Variants in CACNA1G observed in about 807,000 individuals in gnomAD.
CACNA1G encodes calcium voltage-gated channel subunit alpha1 G.
A neutral mutation model predicts 219.4 loss-of-function variants in CACNA1G; 67 were observed. The ratio of observed to expected loss-of-function variants is 0.31; its 90% CI spans 0.25 to 0.37. The LOEUF (loss-of-function observed/expected upper bound fraction) is 0.37, where lower values mean the gene tolerates loss of function less well. Ranked by LOEUF, CACNA1G falls within the 10% of genes least tolerant of loss-of-function variation. The pLI is 1.00. For missense variants in CACNA1G, 2,380 were observed against 3,231.4 expected, an observed-to-expected ratio of 0.74 and a Z score of 6.39; for synonymous variants, 1,296 against 1,345.3, an observed-to-expected ratio of 0.96 and a Z score of 0.80.
rs867261047 is a variant in CACNA1G at position 50,573,361 on chromosome 17, C to T, written c.1140+248C>T. On this transcript the variant is annotated intron_variant, in intron 7 of 37. Transcript: ENST00000359106. Reference sequence around the variant, plus strand: ...ATTCTCCATGAGGCCTCCAGCACTGCTCTGGGCCTCTGTTTCTTCATGGGT... The same window carrying T: ...ATTCTCCATGAGGCCTCCAGCACTGTTCTGGGCCTCTGTTTCTTCATGGGT... 2.9e-5 allele frequency: 12 copies of T among 419,356 alleles called. No homozygotes were observed. The South Asian group carries it at 4.7e-4, about 16-fold the overall frequency. 26.0% of individuals were successfully genotyped at this position (419,356 alleles called of 1,614,324 possible). A position where few individuals can be genotyped will look rare whatever the true frequency, so the allele number is the denominator to read the frequency against.
Position 50,617,415 on chromosome 17 carries a change from G to A in CACNA1G, c.5022-23G>A, listed in dbSNP as rs747200759. ...CAGGAACCCCCTCCCCCAACTCAGG[G>A]AGCTGTATTCTGGGCTTTCCAGGTG... On this transcript the variant is annotated intron_variant, in intron 28 of 37. Transcript: ENST00000359106. This position sits in a 1 kb window ranked among gnomAD's most constrained non-coding sequence, Gnocchi z 5.8. 2 of 1,601,334 alleles carry A rather than the reference G, an allele frequency of 1.2e-6. No individual in the cohort carries two copies. The highest frequency in any genetic ancestry group is 1.1e-5 in the South Asian group (1 of 89,950).
chr17:50,603,312 C>A lies in CACNA1G; in HGVS notation c.4169+113C>A. 1 of 885,290 alleles carries A rather than the reference C, an allele frequency of 1.1e-6. No individual in the cohort carries two copies. Among genetic ancestry groups the A allele is most frequent in the Non-Finnish European group, 1.7e-6 (1 of 580,250 alleles). The allele number at this position is 885,290 out of a possible 1,614,324, so 54.8% of individuals were successfully genotyped here. ...ACAAAAGCCTGCACAGGCCAGCATCCTGTCTGTGACCCCCACAGGCGATCC... is the reference window on the plus strand; with the variant it reads ...ACAAAAGCCTGCACAGGCCAGCATCATGTCTGTGACCCCCACAGGCGATCC... On this transcript the variant is annotated intron_variant, in intron 21 of 37. Coordinates refer to ENST00000359106, the MANE Select transcript of CACNA1G (RefSeq NM_018896.5). The surrounding 1 kb of genome is among the most constrained non-coding windows in gnomAD (Gnocchi z 6.4).
rs1232480417 is a variant in CACNA1G, at chr17:50,573,002, G to C, written c.1048-19G>C. On this transcript the variant is annotated intron_variant, in intron 6 of 37. Coordinates refer to ENST00000359106, the MANE Select transcript of CACNA1G (RefSeq NM_018896.5). ...GATTTGGTGGGCCCATAGTCAGCCT[G>C]CCCCTCTGCACCCCCTAGGTCATCA... 1 of 1,572,128 alleles carries C rather than the reference G, an allele frequency of 6.4e-7. No individual in the cohort carries two copies. The highest frequency in any genetic ancestry group is 2.3e-5 in the East Asian group (1 of 42,910).
chr17:50,601,361 C>T (rs1192313988), intron 19 of CACNA1G, among the ~76,000 whole-genome samples, 187 bp downstream of exon 19: 1 of 152,228 alleles, frequency 6.6e-6, no homozygotes, highest in Non-Finnish European at 1.5e-5. Flanking sequence ...CCTCTCCTGC[C>T]TCAGTTTCCC....
intron 1 of CACNA1G, among the ~76,000 whole-genome samples, chr17:50,568,667 G>C (rs1342569504): frequency 6.6e-6 from 1 of 152,224 alleles, no homozygotes; most frequent in Non-Finnish European, 1.5e-5. Context: ...GTCCAGAGAG[G>C]TGAGATGACC....
rs568154795 is a variant in CACNA1G, at chr17:50,626,508, G to T, written c.6891G>T (p.Gly2297=). ...ACCTTGGGGGCCAGCCTCTTGGGGG[G>T]CCTGGGAGCCGGCCCAAGAAAAAAC... ...PSNLGGQPLG[G]PGSRPKKKLS... Residue 2297 remains glycine (G), a synonymous_variant, in exon 38 of 38, where the codon GGG becomes GGT. Coordinates refer to ENST00000359106, the MANE Select transcript of CACNA1G (RefSeq NM_018896.5). The surrounding 1 kb of genome is among the most constrained non-coding windows in gnomAD (Gnocchi z 4.3). 28 of 1,576,512 alleles carry T rather than the reference G, an allele frequency of 1.8e-5. No individual in the cohort carries two copies. Among genetic ancestry groups the T allele is most frequent in the African/African-American group, 4.1e-5 (3 of 73,182 alleles).
intron 9 of CACNA1G, among the ~76,000 whole-genome samples, chr17:50,582,162 C>T (rs553635902): frequency 2.1e-4 from 32 of 152,204 alleles, no homozygotes; most frequent in Non-Finnish European, 2.4e-4. Flanking sequence ...GGCACATGCT[C>T]AGAGAGGGAT....
chr17:50,590,668 A>AG, intron 10 of CACNA1G, 46 bp downstream of exon 10: 2 of 1,593,136 alleles, frequency 1.3e-6, no homozygotes, highest in Non-Finnish European at 1.7e-6. Context: ...GAATGGTAGC[A>AG]GGGGTGGCTT....
Position 50,578,056 on chromosome 17 carries a change from G to T in CACNA1G, c.1925-132G>T. The stretch of plus-strand genomic sequence containing the variant: ...CCTTGCCTGACATTCAGCACCCCTG[G>T]CCCACTAAGTGCCTAGCACCCCATC... On this transcript the variant is annotated intron_variant, in intron 8 of 37. Coordinates refer to ENST00000359106, the MANE Select transcript of CACNA1G (RefSeq NM_018896.5). This position sits in a 1 kb window ranked among gnomAD's most constrained non-coding sequence, Gnocchi z 4.5. 9.5e-7 allele frequency: 1 copy of T among 1,054,634 alleles called. No individual in the cohort carries two copies. The highest frequency in any genetic ancestry group is 2.8e-5 in the Admixed American group (1 of 35,572). The allele number at this position is 1,054,634 out of a possible 1,614,324, so 65.3% of individuals were successfully genotyped here.
chr17:50,610,666 A>G (rs2049007793), intron 26 of CACNA1G, among the ~76,000 whole-genome samples: 1 of 151,906 alleles, frequency 6.6e-6, no homozygotes, highest in Admixed American at 6.5e-5. Flanking sequence ...TCATAACACT[A>G]TGTCTCCAGC....
chr17:50,625,241 C>T (rs2053437224), intron 37 of CACNA1G, among the ~76,000 whole-genome samples: 1 of 152,340 alleles, frequency 6.6e-6, no homozygotes, highest in African/African-American at 2.4e-5. Context: ...CGTGAGCCAC[C>T]GCGCCCGGCC....
rs767121010 is a variant in CACNA1G, at chr17:50,626,566, G to A, written c.6949G>A (p.Glu2317Lys). 19 of 1,593,002 alleles carry A rather than the reference G, an allele frequency of 1.2e-5. No homozygotes were observed. Among genetic ancestry groups the A allele is most frequent in the Non-Finnish European group, 1.5e-5 (17 of 1,171,566 alleles). Reference sequence around the variant, plus strand: ...GCCTAGTATCACCATAGACCCCCCCGAGAGCCAAGGTCCTCGGACCCCGCC... The same window carrying A: ...GCCTAGTATCACCATAGACCCCCCCAAGAGCCAAGGTCCTCGGACCCCGCC... ...SPPSITIDPP[E>K]SQGPRTPPSP... The change falls in exon 38 of 38, where the codon GAG becomes AAG. Residue 2317 changes from glutamate (E) to lysine (K), a missense_variant. Around this residue, in one of 17 missense-constraint regions of CACNA1G, gnomAD observed 672 missense variants for 670.5 expected, o/e 1.00. Coordinates refer to ENST00000359106, the MANE Select transcript of CACNA1G (RefSeq NM_018896.5). This position sits in a 1 kb window ranked among gnomAD's most constrained non-coding sequence, Gnocchi z 4.3.
Position 50,600,646 on chromosome 17 carries a change from G to A in CACNA1G, c.3691-80G>A, listed in dbSNP as rs2046433609. ...TGGGAGAGGGTAGACAAGGAGTGAG[G>A]CTCGTGACTCTGCTGAGGAGCCAGG... On this transcript the variant is annotated intron_variant, in intron 17 of 37. Coordinates refer to ENST00000359106, the MANE Select transcript of CACNA1G (RefSeq NM_018896.5). The surrounding 1 kb of genome is among the most constrained non-coding windows in gnomAD (Gnocchi z 4.1). The A allele has an allele frequency of 3.3e-6, 4 of 1,207,428 alleles. No individual in the cohort carries two copies. The highest frequency in any genetic ancestry group is 4.9e-6 in the Non-Finnish European group (4 of 817,822). The allele number at this position is 1,207,428 out of a possible 1,614,324, so 74.8% of individuals were successfully genotyped here. A position where few individuals can be genotyped will look rare whatever the true frequency, so the allele number is the denominator to read the frequency against.
Position 50,591,556 on chromosome 17 carries a change from A to T in CACNA1G, c.2575A>T (p.Met859Leu). 1 of 1,612,978 alleles carries T rather than the reference A, an allele frequency of 6.2e-7. No homozygotes were observed. Among genetic ancestry groups the T allele is most frequent in the Non-Finnish European group, 8.5e-7 (1 of 1,179,624 alleles). ...GCTGCAGCGGCAGCTGGTGGTGCTC[A>T]TGAAGACCATGGACAACGTGGCCAC... ...PALQRQLVVL[M>L]KTMDNVATFC... The change falls in exon 11 of 38, where the codon ATG becomes TTG. Residue 859 changes from methionine to leucine, a missense_variant. This residue lies in a region of CACNA1G where 82 missense variants were observed against 140.7 expected (regional missense o/e 0.58). Transcript: ENST00000359106.
intron 16 of CACNA1G, among the ~76,000 whole-genome samples, chr17:50,597,941 T>A (rs545101980): frequency 6.6e-6 from 1 of 152,376 alleles, no homozygotes; most frequent in East Asian, 1.9e-4. Flanking sequence ...TAGTATAATA[T>A]CCTCCAGTTC....
At chr17:50,586,466 T>G (rs2043009317) in intron 9 of CACNA1G, among the ~76,000 whole-genome samples, 1 of 152,184 alleles carries the variant, frequency 6.6e-6, no homozygotes, top group African/African-American at 2.4e-5. Context: ...TCCCAGGCTG[T>G]CCTCCCCACT....
At chr17:50,570,689 C>T (rs1030445043) in intron 4 of CACNA1G, among the ~76,000 whole-genome samples, 23 of 152,062 alleles carry the variant, frequency 1.5e-4, no homozygotes, top group Admixed American at 3.9e-4. Context: ...GGGCATGCCT[C>T]GCCTCCTCTC....
chr17:50,616,854 T>C (rs1465425365), intron 28 of CACNA1G, among the ~76,000 whole-genome samples: 10 of 152,250 alleles, frequency 6.6e-5, no homozygotes, highest in South Asian at 6.2e-4. Context: ...TTTTTCGTTT[T>C]GTTTTGTTTT....
At chr17:50,602,976 C>A (rs781401367) in intron 20 of CACNA1G, 39 bp from the exon 21 acceptor site, 2 of 1,609,656 alleles carry the variant, frequency 1.2e-6, no homozygotes, top group Non-Finnish European at 1.7e-6. Context: ...TTGGCTGCAG[C>A]GCAGGGAGGG....
Sources: allele counts gnomAD v4.1 joint callset (sites outside exome capture counted in the v4.1 genomes callset), GRCh38; gene constraint gnomAD v4.1.1; regional missense constraint gnomAD v4.1.1; non-coding constraint Gnocchi (gnomAD v3.1); transcripts MANE v1.5; gene names NCBI Gene and HGNC (gene_info 2026-07-23, HGNC 2026-07-21).